KLHL12: variants seen among roughly 807,000 people sequenced by gnomAD.
KLHL12 encodes kelch like family member 12.
KLHL12 carries 17 observed loss-of-function variants against 60.8 expected under a neutral mutation model. The ratio of observed to expected loss-of-function variants is 0.28; its 90% confidence interval spans 0.19 to 0.42. The LOEUF (loss-of-function observed/expected upper bound fraction) is 0.42, where lower values mean the gene tolerates loss of function less well. Among genes scored for constraint, KLHL12 ranks in the 10% least tolerant of loss-of-function variants. The pLI, the probability that KLHL12 is intolerant of heterozygous loss-of-function variation, is 1.00. For missense variants in KLHL12, 468 were observed against 722.3 expected, an observed-to-expected ratio of 0.65 and a Z score of 4.04; for synonymous variants, 220 against 250.9, an observed-to-expected ratio of 0.88 and a Z score of 1.16.
At chr1:202,927,674 T>TAA (rs748842460), upstream of KLHL12, among the ~76,000 whole-genome samples, 6,066 of 75,294 alleles carry the variant, frequency 0.081, 361 homozygotes, top group East Asian at 0.12. Context: ...TGAGACCCTG[T>TAA]AAAAAAAAAA....
At chr1:202,921,236 G>A (rs909592828) in intron 2 of KLHL12, among the ~76,000 whole-genome samples, 38 of 151,474 alleles carry the variant, frequency 2.5e-4, no homozygotes, top group African/African-American at 6.5e-4. Flanking sequence ...GTGCAGTGGC[G>A]TAATCTTGGC....
At chr1:202,912,485 A>T in intron 4 of KLHL12, 1 of 923,914 alleles carries the variant, frequency 1.1e-6, no homozygotes, top group Non-Finnish European at 1.8e-6. Context: ...ATATGGTGGC[A>T]GTGAGGATGG....
intron 6 of KLHL12, among the ~76,000 whole-genome samples, chr1:202,905,968 CT>C (rs71142574): frequency 0.013 from 653 of 51,640 alleles, no homozygotes; most frequent in East Asian, 0.039. Context: ...CCACACCTGG[CT>C]TTTTTTTTTT....
Position 202,891,232 on chromosome 1 carries a change from T to C in KLHL12, c.*1301A>G, listed in dbSNP as rs1659666769. The C allele has an allele frequency of 6.6e-6, 1 of 152,494 alleles. No individual in the cohort carries two copies. Among genetic ancestry groups the C allele is most frequent in the African/African-American group, 2.4e-5 (1 of 41,410 alleles). The allele number at this position is 152,494 out of a possible 1,614,324, so 9.4% of individuals were successfully genotyped here. A position where few individuals can be genotyped will look rare whatever the true frequency, so the allele number is the denominator to read the frequency against. The stretch of plus-strand genomic sequence containing the variant: ...AAATGGAATTTCAGAGCAAAGGTTG[T>C]TTAGGTTATCACATTCCCACACTCC... On this transcript the variant is annotated 3_prime_UTR_variant, in exon 12 of 12. Coordinates refer to ENST00000367261, the MANE Select transcript of KLHL12 (RefSeq NM_021633.4).
intron 2 of KLHL12, among the ~76,000 whole-genome samples, chr1:202,924,630 AG>A (rs1239848504): frequency 6.6e-6 from 1 of 152,198 alleles, no homozygotes; most frequent in African/African-American, 2.4e-5. Context: ...CAAAAAAAGG[AG>A]AAAAATTGGA....
At position 202,895,982 on chromosome 1, in the gene KLHL12, T is replaced by G. The variant is rs1659820061; in HGVS notation, c.940-265A>C. ...CAAAAGATTTAACAGCTTTCTGTTA[T>G]CCAATATCTGACTCCTTTCTCTTCC... On this transcript the variant is annotated intron_variant, in intron 7 of 11. Transcript: ENST00000367261. This position sits in a 1 kb window ranked among gnomAD's most constrained non-coding sequence, Gnocchi z 4.2. 1.3e-5 allele frequency among the ~76,000 whole-genome samples: 2 copies of G among 152,202 alleles called. No homozygotes were observed. The highest frequency in any genetic ancestry group is 2.9e-5 in the Non-Finnish European group (2 of 68,038).
At chr1:202,923,503 G>A (rs1660760146) in intron 2 of KLHL12, among the ~76,000 whole-genome samples, 1 of 152,188 alleles carries the variant, frequency 6.6e-6, no homozygotes, top group Non-Finnish European at 1.5e-5. Context: ...TTGGCTCATA[G>A]TATTTTTAAC....
Position 202,893,382 on chromosome 1 carries a change from C to T in KLHL12, c.1437G>A (p.Gly479=), listed in dbSNP as rs768233955. The change falls in exon 11 of 12, where the codon GGG becomes GGA. Residue 479 remains glycine (G), a synonymous_variant. Coordinates refer to ENST00000367261, the MANE Select transcript of KLHL12 (RefSeq NM_021633.4). This position sits in a 1 kb window ranked among gnomAD's most constrained non-coding sequence, Gnocchi z 4.1. ...AAAGGTGGGCTGTACCATCAAATCC[C>T]CCCACCACATAAATATGGTCATTCA... ...ALLNDHIYVV[G]GFDGTAHLSS... is the part of the protein sequence containing the mutation. The T allele has an allele frequency of 3.2e-5, 51 of 1,613,824 alleles. No homozygotes were observed. Among genetic ancestry groups the T allele is most frequent in the Non-Finnish European group, 3.7e-5 (44 of 1,179,900 alleles).
In KLHL12 at chr1:202,918,351, C is replaced by A; in HGVS notation, c.387G>T (p.Gln129His). The A allele has an allele frequency of 1.9e-6, 3 of 1,614,148 alleles. No homozygotes were observed. Among genetic ancestry groups the A allele is most frequent in the Non-Finnish European group, 1.7e-6 (2 of 1,180,000 alleles). ...TACCCAGGCAATTAGAAGGGTCCAA[C>A]TGACTTTCTAAGAACTCACAGCAGG... ...KQACCEFLES[Q>H]LDPSNCLGIR... Residue 129 changes from glutamine to histidine, a missense_variant, in exon 4 of 12, where the codon CAG (glutamine) becomes CAT (histidine). Physicochemically the swap from Gln to His is conservative, Grantham distance 24. Coordinates refer to ENST00000367261, the MANE Select transcript of KLHL12 (RefSeq NM_021633.4).
In KLHL12 at chr1:202,896,905, A is replaced by G. The variant is rs781115585; in HGVS notation, c.888T>C (p.Ile296=). 1 of 1,614,164 alleles carries G rather than the reference A, an allele frequency of 6.2e-7. No individual in the cohort carries two copies. Among genetic ancestry groups the G allele is most frequent in the South Asian group, 1.1e-5 (1 of 91,084 alleles). The change falls in exon 7 of 12, where the codon ATT becomes ATC. Residue 296 remains isoleucine, a synonymous_variant. Transcript: ENST00000367261. ...VGGFGSQQSP[I]DVVEKYDPKT... ...TGGGGTCATATTTCTCTACCACATC[A>G]ATGGGAGACTGCTGGCTTCCAAAGC... is the stretch of plus-strand genomic sequence containing the variant.
chr1:202,902,309 AATCTCAGCTACTCG>A (rs1265062337), intron 6 of KLHL12, among the ~76,000 whole-genome samples: 1 of 152,086 alleles, frequency 6.6e-6, no homozygotes, highest in Non-Finnish European at 1.5e-5. Flanking sequence ...ACATGCCTGT[AATCTCAGCTACTCG>A]GGAGGCTGAG....
rs113851253 is a variant in KLHL12, at chr1:202,894,166, C to A, written c.1393+18G>T. On this transcript the variant is annotated intron_variant, in intron 10 of 11. Transcript: ENST00000367261. ...TGACAGCATCGCCTATTGTCCCCTC[C>A]CTCAGATCTGGTCTTACCAGAACGC... The A allele has an allele frequency of 3.5e-6, 5 of 1,439,346 alleles. No homozygotes were observed. The highest frequency in any genetic ancestry group is 4.8e-6 in the Non-Finnish European group (5 of 1,044,766). The allele number at this position is 1,439,346 out of a possible 1,614,324, so 89.2% of individuals were successfully genotyped here.
chr1:202,897,218 A>G (rs1333519764), intron 6 of KLHL12, among the ~76,000 whole-genome samples: 1 of 137,162 alleles, frequency 7.3e-6, no homozygotes, highest in African/African-American at 2.7e-5. Flanking sequence ...ACACTGCACC[A>G]TTTCTTTTTC....
At chr1:202,901,562 A>C (rs1206140817) in intron 6 of KLHL12, among the ~76,000 whole-genome samples, 4 of 151,934 alleles carry the variant, frequency 2.6e-5, no homozygotes, top group African/African-American at 9.7e-5. Context: ...TCGGCCTCCC[A>C]AAGTGCTGGG....
intron 1 of KLHL12, among the ~76,000 whole-genome samples, 190 bp from the exon 2 acceptor site, chr1:202,925,397 T>G (rs1653484781): frequency 6.6e-6 from 1 of 152,222 alleles, no homozygotes; most frequent in Admixed American, 6.5e-5. Context: ...AAGCTCTCTC[T>G]TCTTCCTCTG....
At chr1:202,927,020 T>C in intron 1 of KLHL12, 69 bp downstream of exon 1, 2 of 966,334 alleles carry the variant, frequency 2.1e-6, no homozygotes, top group Non-Finnish European at 2.5e-6. Context: ...GGATGGGGGG[T>C]AGGGCCATAA....
At chr1:202,913,419 G>A (rs894568356) in intron 4 of KLHL12, among the ~76,000 whole-genome samples, 4 of 152,210 alleles carry the variant, frequency 2.6e-5, no homozygotes, top group East Asian at 3.9e-4. Flanking sequence ...CTCTAAAAAC[G>A]CAGATGTTTC....
chr1:202,928,407 C>T, upstream of KLHL12: 1 of 881,740 alleles, frequency 1.1e-6, no homozygotes, highest in Non-Finnish European at 1.7e-6. Flanking sequence ...CCCTACCGCT[C>T]ACTAGGCAGG....
intron 6 of KLHL12, among the ~76,000 whole-genome samples, chr1:202,907,840 T>C (rs1660241649): frequency 6.6e-6 from 1 of 151,148 alleles, no homozygotes; most frequent in South Asian, 2.1e-4. Flanking sequence ...TCCAGGAGGC[T>C]AAGGCTGCAG....
Sources: gnomAD v4.1 joint callset for allele counts (sites outside exome capture counted in the v4.1 genomes callset) on GRCh38, gnomAD v4.1.1 for gene constraint, Gnocchi (gnomAD v3.1) non-coding constraint, MANE v1.5 for transcripts, NCBI Gene and HGNC (gene_info 2026-07-23, HGNC 2026-07-21) for gene names.